MAMDC2: variants seen among roughly 807,000 people sequenced by gnomAD.
MAMDC2 encodes the protein MAM domain containing 2.
In MAMDC2, 57 loss-of-function variants were observed where a neutral mutation model predicts 89.8. The observed-to-expected ratio is 0.63, with a 90% CI of 0.51 to 0.79. The LOEUF (loss-of-function observed/expected upper bound fraction) is 0.79, where lower values mean the gene tolerates loss of function less well. MAMDC2 is among the 30% of genes least tolerant of loss of function. MAMDC2 has a pLI of 0.00. For synonymous variants in MAMDC2, 313 were observed against 293.4 expected (o/e 1.07, Z -0.68); for missense variants, 800 against 820.6 (o/e 0.97, Z 0.31).
At chr9:70,108,162 G>A in intron 2 of MAMDC2, 49 bp from the exon 3 acceptor site, 1 of 1,489,862 alleles carries the variant, frequency 6.7e-7, no homozygotes, top group South Asian at 1.4e-5. Context: ...TATTTTTCCA[G>A]GTTGCAAACA....
At chr9:70,140,105 T>C in intron 7 of MAMDC2, 40 bp from the exon 8 acceptor site, 1 of 1,516,372 alleles carries the variant, frequency 6.6e-7, no homozygotes. Flanking sequence ...TCCTTTGAGA[T>C]CTTTGGGACT....
chr9:70,181,017 G>A (rs2032634493), intron 11 of MAMDC2, among the ~76,000 whole-genome samples: 1 of 152,164 alleles, frequency 6.6e-6, no homozygotes, highest in African/African-American at 2.4e-5. Context: ...TCCAACTTGA[G>A]TTAATTTTGT....
intron 5 of MAMDC2, among the ~76,000 whole-genome samples, chr9:70,124,804 C>T (rs927778573): frequency 6.6e-6 from 1 of 152,136 alleles, no homozygotes; most frequent in Non-Finnish European, 1.5e-5. Context: ...CTCATAGGCT[C>T]AAGTGATTCT....
At chr9:70,146,962 A>C (rs1325993485) in intron 9 of MAMDC2, among the ~76,000 whole-genome samples, 18 of 141,556 alleles carry the variant, frequency 1.3e-4, no homozygotes. Context: ...ATCAAGACTA[A>C]CTGCCTCATT....
chr9:70,218,672 C>G (rs931427389), intron 12 of MAMDC2, 76 bp downstream of exon 12: 3 of 1,465,594 alleles, frequency 2.0e-6, no homozygotes, highest in Non-Finnish European at 2.7e-6. Flanking sequence ...TTCTTGCTAC[C>G]AAAGAGAATA....
intron 2 of MAMDC2, chr9:70,063,231 C>CA (rs1356695879): frequency 6.6e-6 from 1 of 152,104 alleles, no homozygotes; most frequent in African/African-American, 2.4e-5. Context: ...TCAGCCTGGG[C>CA]AACAGAGTGA....
intron 11 of MAMDC2, among the ~76,000 whole-genome samples, chr9:70,181,435 CT>C: frequency 1.3e-5 from 2 of 152,258 alleles, no homozygotes; most frequent in South Asian, 4.1e-4. Context: ...CTATAAATTA[CT>C]TTGGGCAGTA....
At chr9:70,141,825 C>T (rs2031235075) in intron 8 of MAMDC2, among the ~76,000 whole-genome samples, 2 of 152,042 alleles carry the variant, frequency 1.3e-5, no homozygotes, top group Non-Finnish European at 2.9e-5. Context: ...ATGGAGGAAA[C>T]AATGGAAGAT....
chr9:70,152,006 C>G (rs1046824140), intron 9 of MAMDC2, among the ~76,000 whole-genome samples: 42 of 152,076 alleles, frequency 2.8e-4, no homozygotes, highest in Admixed American at 6.5e-4. Flanking sequence ...CACATGTGAC[C>G]AGAGCTGAGG....
In MAMDC2 at chr9:70,218,566, G is replaced by A. The variant is rs765811117; in HGVS notation, c.1881G>A (p.Leu627=). Residue 627 remains leucine, a synonymous_variant, in exon 12 of 14, where the codon CTG becomes CTA. Coordinates refer to ENST00000377182, the MANE Select transcript of MAMDC2 (RefSeq NM_153267.5). ...AGAGCATTTCCTGGCTACGAGCACT[G>A]ATTGAATACAGCTGTGAGAGGCAAC... ...GEQSISWLRA[L]IEYSCERQHQ... is the part of the protein sequence containing the mutation. 6.2e-7 allele frequency: 1 copy of A among 1,613,388 alleles called. No individual in the cohort carries two copies. The highest frequency in any genetic ancestry group is 1.7e-5 in the Admixed American group (1 of 60,010).
chr9:70,224,722 T>C (rs1251010081), intron 12 of MAMDC2, among the ~76,000 whole-genome samples: 5 of 152,184 alleles, frequency 3.3e-5, no homozygotes, highest in Non-Finnish European at 2.9e-5. Flanking sequence ...CACCCTCACA[T>C]ACATACTGAG....
At chr9:70,193,075 A>C (rs2032914581) in intron 11 of MAMDC2, among the ~76,000 whole-genome samples, 1 of 152,076 alleles carries the variant, frequency 6.6e-6, no homozygotes, top group South Asian at 2.1e-4. Flanking sequence ...TGGATTTTAC[A>C]AGTAAGTACA....
rs1711746478 is a variant in MAMDC2, at chr9:70,044,683, T to C, written c.134T>C (p.Ile45Thr). The C allele has an allele frequency of 1.9e-6, 3 of 1,551,280 alleles. No homozygotes were observed. In the African/African-American group the frequency reaches 4.1e-5, roughly 21 times the overall value. Reference sequence around the variant, plus strand: ...TCCGTGTTGGCCTCTCTGCCGTGGATTTTAAATGAGGAAGGTAAGGAGGCT... The same window carrying C: ...TCCGTGTTGGCCTCTCTGCCGTGGACTTTAAATGAGGAAGGTAAGGAGGCT... ...FDSVLASLPW[I>T]LNEEGHYIYV... The change falls in exon 2 of 14, where the codon ATT (isoleucine) becomes ACT (threonine). Residue 45 changes from isoleucine to threonine, a missense_variant. By Grantham distance (89) the Ile-to-Thr change is moderately conservative. Coordinates refer to ENST00000377182, the MANE Select transcript of MAMDC2 (RefSeq NM_153267.5).
At chr9:70,050,551 A>G (rs924730223) in intron 2 of MAMDC2, among the ~76,000 whole-genome samples, 1 of 152,230 alleles carries the variant, frequency 6.6e-6, no homozygotes, top group Admixed American at 6.5e-5. Flanking sequence ...TACCTATCAC[A>G]TGAGATTGTT....
At chr9:70,196,290 C>T (rs2148855) in intron 11 of MAMDC2, among the ~76,000 whole-genome samples, 137,464 of 152,118 alleles carry the variant, frequency 0.9, 62,410 homozygotes, top group East Asian at 0.98. Flanking sequence ...ATCTGTGACA[C>T]TGTGAAGAAG....
At chr9:70,191,249 G>A (rs1483481133) in intron 11 of MAMDC2, among the ~76,000 whole-genome samples, 1 of 152,016 alleles carries the variant, frequency 6.6e-6, no homozygotes, top group African/African-American at 2.4e-5. Flanking sequence ...TGCTTTTATG[G>A]AGAAGATTTT....
intron 8 of MAMDC2, among the ~76,000 whole-genome samples, chr9:70,140,861 G>C (rs1382459500): frequency 6.6e-6 from 1 of 152,172 alleles, no homozygotes; most frequent in Non-Finnish European, 1.5e-5. Flanking sequence ...AAAAAATGTT[G>C]AGTGGACACT....
At chr9:70,161,011 G>C (rs2031951747) in intron 9 of MAMDC2, among the ~76,000 whole-genome samples, 1 of 152,042 alleles carries the variant, frequency 6.6e-6, no homozygotes, top group Non-Finnish European at 1.5e-5. Context: ...ATTCTATCAG[G>C]GATCAGGAAG....
At chr9:70,150,234 T>C (rs556469841) in intron 9 of MAMDC2, among the ~76,000 whole-genome samples, 1 of 152,310 alleles carries the variant, frequency 6.6e-6, no homozygotes, top group Non-Finnish European at 1.5e-5. Flanking sequence ...ATTCTTGCCA[T>C]TGAGAAAGGA....
Sources: gnomAD v4.1 joint callset for allele counts (sites outside exome capture counted in the v4.1 genomes callset) on GRCh38, gnomAD v4.1.1 for gene constraint, MANE v1.5 for transcripts, NCBI Gene and HGNC (gene_info 2026-07-23, HGNC 2026-07-21) for gene names.